The following RCOR1 variants were observed in gnomAD, a reference collection of about 807,000 sequenced individuals.
RCOR1 encodes the protein REST corepressor 1.
RCOR1 carries 12 observed loss-of-function variants against 64.0 expected under a neutral mutation model. That is an observed-to-expected ratio of 0.19 (90% confidence interval 0.12 to 0.30). The LOEUF is 0.30. Ranked by LOEUF, RCOR1 falls within the 10% of genes least tolerant of loss-of-function variation. The probability of loss-of-function intolerance (pLI) is 1.00; values close to 1 mark genes in which losing one functional copy is unlikely to be tolerated. For synonymous variants in RCOR1, 279 were observed against 227.2 expected (o/e 1.23, Z -2.05); for missense variants, 502 against 621.2 (o/e 0.81, Z 2.04).
In RCOR1 at chr14:102,682,113, G is replaced by T. The variant is rs1047937752; in HGVS notation, c.445+135G>T. 2.7e-5 allele frequency: 15 copies of T among 560,568 alleles called. No individual in the cohort carries two copies. The African/African-American group carries it at 2.7e-4, about 10-fold the overall frequency. The allele number at this position is 560,568 out of a possible 1,614,324, so 34.7% of individuals were successfully genotyped here. On this transcript the variant is annotated intron_variant, in intron 3 of 11. Coordinates refer to ENST00000262241, the MANE Select transcript of RCOR1 (RefSeq NM_015156.4). ...GATAAATAATTTAAAGAGTTTTAAA[G>T]TGTATATTTCTTTTTTTAAAATTTT...
In RCOR1 at chr14:102,714,542, T is replaced by C. The variant is rs1189424413; in HGVS notation, c.978T>C (p.Ala326=). The C allele has an allele frequency of 1.9e-6, 3 of 1,614,150 alleles. No individual in the cohort carries two copies. The highest frequency in any genetic ancestry group is 1.1e-5 in the South Asian group (1 of 91,074). Residue 326 remains alanine (A), a synonymous_variant, in exon 8 of 12, where the codon GCT becomes GCC. Transcript: ENST00000262241. ...GMFLSQEDVE[A]VSANATAATT... is the part of the protein sequence containing the mutation. The stretch of plus-strand genomic sequence containing the variant: ...TTCTTTCTCAAGAAGATGTGGAGGC[T>C]GTTTCTGCCAATGCCACTGCTGCTA...
chr14:102,640,636 C>T (rs564831636), intron 2 of RCOR1, among the ~76,000 whole-genome samples: 2 of 151,972 alleles, frequency 1.3e-5, no homozygotes, highest in Non-Finnish European at 2.9e-5. Flanking sequence ...TAGCTCTTTT[C>T]TGCAGAGGCT....
intron 2 of RCOR1, among the ~76,000 whole-genome samples, chr14:102,610,944 T>C (rs759543829): frequency 1.3e-5 from 2 of 150,316 alleles, no homozygotes; most frequent in Non-Finnish European, 3.0e-5. Context: ...AGCTGAGAAA[T>C]GTATGATGGC....
At chr14:102,687,501 T>A (rs1254870688) in intron 3 of RCOR1, among the ~76,000 whole-genome samples, 1 of 152,250 alleles carries the variant, frequency 6.6e-6, no homozygotes, top group Non-Finnish European at 1.5e-5. Flanking sequence ...ACTTATGGGA[T>A]ATGCCTAGAA....
At chr14:102,710,328 A>G (rs1895933066) in intron 6 of RCOR1, among the ~76,000 whole-genome samples, 1 of 152,206 alleles carries the variant, frequency 6.6e-6, no homozygotes. Flanking sequence ...TTTGTTTTAA[A>G]TTAAATGAAA....
intron 3 of RCOR1, among the ~76,000 whole-genome samples, chr14:102,682,965 G>A (rs1895335787): frequency 6.6e-6 from 1 of 152,180 alleles, no homozygotes; most frequent in Non-Finnish European, 1.5e-5. Flanking sequence ...CATTTAGCCT[G>A]TTAGCCACTA....
intron 2 of RCOR1, among the ~76,000 whole-genome samples, chr14:102,598,980 A>T (rs1224862611): frequency 6.6e-6 from 1 of 152,034 alleles, no homozygotes; most frequent in Non-Finnish European, 1.5e-5. Context: ...GCCGCAGATT[A>T]TGCTGAGTTG....
In RCOR1 at chr14:102,725,724, C is replaced by T. The variant is rs186307722; in HGVS notation, c.1420-744C>T. On this transcript the variant is annotated intron_variant, in intron 11 of 11. Transcript: ENST00000262241. ...CCAAGTAGCTGGGACTACAGGTGTG[C>T]GCCACCACGCACGGCCAATATTTCT... Among the ~76,000 whole-genome samples, 24 of 152,036 alleles carry T rather than the reference C, an allele frequency of 1.6e-4. No homozygotes were observed. The South Asian group carries it at 2.9e-3, about 18-fold the overall frequency.
intron 2 of RCOR1, among the ~76,000 whole-genome samples, chr14:102,606,585 G>C (rs1893511710): frequency 6.6e-6 from 1 of 152,010 alleles, no homozygotes; most frequent in Non-Finnish European, 1.5e-5. Flanking sequence ...ATTTCTTTGA[G>C]GGTGGTAGCG....
At chr14:102,709,677 A>G (rs1895919689) in intron 6 of RCOR1, among the ~76,000 whole-genome samples, 2 of 152,208 alleles carry the variant, frequency 1.3e-5, no homozygotes, top group Non-Finnish European at 2.9e-5. Context: ...ATACATCTGC[A>G]TATTTTTGCC....
intron 2 of RCOR1, among the ~76,000 whole-genome samples, chr14:102,618,906 A>C (rs1893817229): frequency 6.6e-6 from 1 of 152,144 alleles, no homozygotes. Flanking sequence ...TGAAGGAAAG[A>C]CATTTCAGGC....
intron 2 of RCOR1, among the ~76,000 whole-genome samples, chr14:102,594,211 A>T (rs1219874014): frequency 6.6e-6 from 1 of 152,210 alleles, no homozygotes; most frequent in Non-Finnish European, 1.5e-5. Flanking sequence ...GGTTGTTGGT[A>T]TGGAAAATGT....
chr14:102,715,274 T>C (rs1595243713), intron 8 of RCOR1, among the ~76,000 whole-genome samples: 1 of 152,152 alleles, frequency 6.6e-6, no homozygotes. Context: ...GGTTTTACCA[T>C]GTTAGCCAGG....
chr14:102,606,718 C>A (rs1398206467), intron 2 of RCOR1, among the ~76,000 whole-genome samples: 1 of 148,770 alleles, frequency 6.7e-6, no homozygotes, highest in Non-Finnish European at 1.5e-5. Flanking sequence ...TGCATGCAGC[C>A]TTGACTTCTT....
Position 102,592,892 on chromosome 14 carries a change from G to C in RCOR1, c.6G>C (p.Pro2=). The change falls in exon 1 of 12, where the codon CCG becomes CCC. Residue 2 remains proline (P), a synonymous_variant. Coordinates refer to ENST00000262241, the MANE Select transcript of RCOR1 (RefSeq NM_015156.4). The part of the protein sequence containing the change: M[P]AMVEKGPEVS... The stretch of plus-strand genomic sequence containing the variant: ...CACGGCCCCGGCCCCCGCCGATGCC[G>C]GCCATGGTGGAGAAGGGCCCCGAGG... The C allele has an allele frequency of 8.1e-7, 1 of 1,230,864 alleles. No individual in the cohort carries two copies. The allele number at this position is 1,230,864 out of a possible 1,614,324, so 76.2% of individuals were successfully genotyped here.
At chr14:102,676,944 G>T (rs370708044) in intron 2 of RCOR1, among the ~76,000 whole-genome samples, 1 of 101,178 alleles carries the variant, frequency 9.9e-6, no homozygotes, top group Non-Finnish European at 2.0e-5. Flanking sequence ...GCGGCTGGCC[G>T]GGCAGAGGGG....
At chr14:102,691,469 C>A (rs1895532309) in intron 3 of RCOR1, among the ~76,000 whole-genome samples, 4 of 151,664 alleles carry the variant, frequency 2.6e-5, no homozygotes, top group East Asian at 1.9e-4. Flanking sequence ...GGGAAAAAAA[C>A]AAAACAAAAC....
intron 2 of RCOR1, chr14:102,655,954 C>CACACACACACACACACAT (rs1289126886): frequency 2.5e-6 from 1 of 401,704 alleles, no homozygotes; most frequent in East Asian, 1.4e-4. Context: ...CTTTTTGTCA[C>CACACACACACACACACAT]ACACACACAC....
chr14:102,612,098 C>T (rs1431559377), intron 2 of RCOR1, among the ~76,000 whole-genome samples: 1 of 152,098 alleles, frequency 6.6e-6, no homozygotes, highest in African/African-American at 2.4e-5. Flanking sequence ...TTTGCCATCA[C>T]ATCTGGCTAA....
Sources: gnomAD v4.1 joint callset for allele counts (sites outside exome capture counted in the v4.1 genomes callset) on GRCh38, gnomAD v4.1.1 for gene constraint, MANE v1.5 for transcripts, NCBI Gene and HGNC (gene_info 2026-07-23, HGNC 2026-07-21) for gene names.